The following TCF12 variants were observed in gnomAD, a reference collection of about 807,000 sequenced individuals.
The protein encoded by TCF12 is DNA-binding protein HTF4.
A neutral mutation model predicts 86.0 loss-of-function variants in TCF12; 45 were observed. The ratio of observed to expected loss-of-function variants is 0.52; its 90% CI spans 0.41 to 0.67. The LOEUF is 0.67. TCF12 is among the 30% of genes least tolerant of loss of function. The pLI is 0.00. For missense variants in TCF12, 881 were observed against 859.9 expected, an observed-to-expected ratio of 1.02 and a Z score of -0.31; for synonymous variants, 330 against 299.6, an observed-to-expected ratio of 1.10 and a Z score of -1.05.
At chr15:57,156,749 TAA>T (rs1227881401) in intron 5 of TCF12, among the ~76,000 whole-genome samples, 2 of 152,120 alleles carry the variant, frequency 1.3e-5, no homozygotes, top group African/African-American at 4.8e-5. Flanking sequence ...CTGGGTGCCA[TAA>T]AAAACAGAGT....
chr15:57,166,020 A>G (rs2054866662), intron 5 of TCF12, among the ~76,000 whole-genome samples: 1 of 151,522 alleles, frequency 6.6e-6, no homozygotes, highest in Admixed American at 6.6e-5. Context: ...GCTACTTTAT[A>G]TAGCTCAAGT....
chr15:57,071,650 C>A (rs539589259), intron 4 of TCF12, among the ~76,000 whole-genome samples: 2 of 152,272 alleles, frequency 1.3e-5, no homozygotes, highest in South Asian at 4.1e-4. Context: ...AAAACAAACA[C>A]AGCCCAAAAA....
At chr15:57,197,047 ACT>A (rs1396823619) in intron 7 of TCF12, among the ~76,000 whole-genome samples, 1 of 151,468 alleles carries the variant, frequency 6.6e-6, no homozygotes, top group African/African-American at 2.4e-5. Context: ...ACTAAATATG[ACT>A]CTGCTAAAGG....
At chr15:57,043,701 G>A (rs1470873041) in intron 3 of TCF12, among the ~76,000 whole-genome samples, 4 of 152,200 alleles carry the variant, frequency 2.6e-5, no homozygotes, top group Non-Finnish European at 4.4e-5. Flanking sequence ...ATTTCTGGAA[G>A]TCTTTGTGAT....
At chr15:57,221,886 A>G (rs1335816927) in intron 8 of TCF12, among the ~76,000 whole-genome samples, 1 of 152,068 alleles carries the variant, frequency 6.6e-6, no homozygotes, top group Non-Finnish European at 1.5e-5. Context: ...AGATTATATA[A>G]ATGTATTATT....
chr15:57,201,578 G>T (rs1199084634), intron 8 of TCF12, among the ~76,000 whole-genome samples: 1 of 151,956 alleles, frequency 6.6e-6, no homozygotes, highest in Non-Finnish European at 1.5e-5. Context: ...TACTCCAGAG[G>T]TAGATTGAGT....
At chr15:56,963,059 ACAAT>A (rs2061842784) in intron 3 of TCF12, among the ~76,000 whole-genome samples, 1 of 117,346 alleles carries the variant, frequency 8.5e-6, no homozygotes, top group African/African-American at 3.1e-5. Context: ...TACCTTCTGT[ACAAT>A]CATTTTCTGA....
At position 56,984,295 on chromosome 15, in the gene TCF12, A is replaced by T. The variant is rs866751499; in HGVS notation, c.148+63197A>T. On this transcript the variant is annotated intron_variant, in intron 3 of 20. Coordinates refer to ENST00000333725, the MANE Select transcript of TCF12 (RefSeq NM_207037.2). ...GTGTGTGTGTGTGTGTGTGTGTGTG[A>T]AGGGTGGAGAGGGAGAGAAAGGTGG... Among the ~76,000 whole-genome samples the T allele has an allele frequency of 1.8e-3, 72 of 39,310 alleles. 1 individual carries two copies. Among genetic ancestry groups the T allele is most frequent in the African/African-American group, 4.6e-3 (61 of 13,342 alleles). 25.8% of individuals were successfully genotyped at this position (39,310 alleles called of 152,430 possible).
intron 5 of TCF12, among the ~76,000 whole-genome samples, chr15:57,121,676 A>G (rs2051243483): frequency 6.6e-6 from 1 of 152,172 alleles, no homozygotes; most frequent in Admixed American, 6.5e-5. Context: ...AGAGCAACCC[A>G]TATCAGATGC....
chr15:57,087,422 A>AG (rs2048721057), intron 4 of TCF12, among the ~76,000 whole-genome samples: 1 of 148,286 alleles, frequency 6.7e-6, no homozygotes, highest in South Asian at 2.1e-4. Flanking sequence ...AAAAAAAAAA[A>AG]AAAAATTTAT....
intron 15 of TCF12, among the ~76,000 whole-genome samples, 183 bp from the exon 16 acceptor site, chr15:57,253,079 A>G (rs2060192657): frequency 6.6e-6 from 1 of 152,130 alleles, no homozygotes; most frequent in Non-Finnish European, 1.5e-5. Flanking sequence ...AAAATTTAGC[A>G]TAATCTACAT....
intron 19 of TCF12, among the ~76,000 whole-genome samples, chr15:57,276,711 A>G (rs1390344337): frequency 6.6e-6 from 1 of 152,188 alleles, no homozygotes; most frequent in Admixed American, 6.5e-5. Flanking sequence ...CGTTCTGGAC[A>G]GTAGTACTGG....
chr15:57,001,751 C>T (rs1247505035), intron 3 of TCF12, among the ~76,000 whole-genome samples: 2 of 152,146 alleles, frequency 1.3e-5, no homozygotes, highest in Non-Finnish European at 2.9e-5. Flanking sequence ...TATATCATCA[C>T]ATCAATAGGA....
chr15:57,248,460 C>G (rs2059961503), intron 13 of TCF12, among the ~76,000 whole-genome samples: 1 of 152,212 alleles, frequency 6.6e-6, no homozygotes, highest in Non-Finnish European at 1.5e-5. Flanking sequence ...GGAAGGCAAA[C>G]AAGCAAAGTC....
At chr15:57,004,429 G>C (rs1323984294) in intron 3 of TCF12, among the ~76,000 whole-genome samples, 1 of 151,432 alleles carries the variant, frequency 6.6e-6, no homozygotes, top group Non-Finnish European at 1.5e-5. Flanking sequence ...ATTTTTTTGA[G>C]GCGGAGTCTA....
intron 3 of TCF12, among the ~76,000 whole-genome samples, chr15:56,981,180 T>A (rs540204694): frequency 2.0e-5 from 3 of 152,304 alleles, no homozygotes; most frequent in East Asian, 3.9e-4. Flanking sequence ...ACTATATATC[T>A]TGGTTTGTTA....
chr15:57,244,484 G>A (rs576099115), intron 13 of TCF12, among the ~76,000 whole-genome samples: 1 of 152,270 alleles, frequency 6.6e-6, no homozygotes, highest in East Asian at 1.9e-4. Context: ...GTTTGAGATG[G>A]AGTCTCACTC....
At chr15:57,170,660 A>AT (rs2055278725) in intron 6 of TCF12, among the ~76,000 whole-genome samples, 16 of 53,978 alleles carry the variant, frequency 3.0e-4, no homozygotes, top group African/African-American at 1.5e-3. Flanking sequence ...TATTATATAA[A>AT]ATATATATAT....
chr15:57,137,655 G>A (rs1567497353), intron 5 of TCF12, among the ~76,000 whole-genome samples: 1 of 152,180 alleles, frequency 6.6e-6, no homozygotes, highest in Non-Finnish European at 1.5e-5. Flanking sequence ...CTTGTAGAGT[G>A]TAATAATTTG....
Sources: gnomAD v4.1 joint callset for allele counts (sites outside exome capture counted in the v4.1 genomes callset) on GRCh38, gnomAD v4.1.1 for gene constraint, MANE v1.5 for transcripts, NCBI Gene and HGNC (gene_info 2026-07-23, HGNC 2026-07-21) for gene names.